Variants in CELF4 observed in about 807,000 individuals in gnomAD.
CELF4 encodes CUG-BP- and ETR-3-like factor 4.
Under a neutral mutation model 59.9 loss-of-function variants are expected in CELF4, and 18 were observed. That is an observed-to-expected ratio of 0.30 (90% confidence interval 0.21 to 0.45). CELF4 has a LOEUF of 0.45. CELF4 is among the 20% of genes least tolerant of loss of function. CELF4 has a pLI of 1.00. For synonymous variants in CELF4, 261 were observed against 267.1 expected (o/e 0.98, Z 0.22); for missense variants, 456 against 689.0 (o/e 0.66, Z 3.79).
chr18:37,377,016 G>A (rs2098978324), intron 2 of CELF4, among the ~76,000 whole-genome samples: 2 of 152,040 alleles, frequency 1.3e-5, no homozygotes, highest in African/African-American at 4.8e-5. Flanking sequence ...AGGGTAAGGG[G>A]AGGTGGAGGA....
chr18:37,323,270 A>T (rs1023009191), intron 2 of CELF4, among the ~76,000 whole-genome samples: 24 of 132,600 alleles, frequency 1.8e-4, no homozygotes, highest in African/African-American at 6.5e-4. Flanking sequence ...TGCCAGGGCC[A>T]GCCCACCGAG....
intron 2 of CELF4, among the ~76,000 whole-genome samples, chr18:37,426,505 G>C (rs2099613536): frequency 6.6e-6 from 1 of 152,220 alleles, no homozygotes; most frequent in Non-Finnish European, 1.5e-5. Flanking sequence ...AGCTGTGGGA[G>C]AGCCACTGGA....
intron 1 of CELF4, among the ~76,000 whole-genome samples, chr18:37,536,733 T>C (rs1185179933): frequency 2.0e-5 from 3 of 152,040 alleles, no homozygotes; most frequent in Non-Finnish European, 4.4e-5. Context: ...ACTTGCTCCC[T>C]CCCACACTCC....
chr18:37,305,017 A>C (rs113245586), intron 3 of CELF4, among the ~76,000 whole-genome samples: 7,912 of 152,246 alleles, frequency 0.052, 517 homozygotes, highest in African/African-American at 0.15. Context: ...GGGGATGTGG[A>C]CCAGAGCCTT....
intron 1 of CELF4, among the ~76,000 whole-genome samples, chr18:37,521,256 A>T (rs2099957061): frequency 2.0e-5 from 3 of 152,130 alleles, no homozygotes; most frequent in Admixed American, 2.0e-4. Flanking sequence ...AGATCGGCAG[A>T]TTCCCTTCTC....
At chr18:37,496,173 T>C (rs2099925038) in intron 1 of CELF4, among the ~76,000 whole-genome samples, 1 of 152,218 alleles carries the variant, frequency 6.6e-6, no homozygotes, top group South Asian at 2.1e-4. Flanking sequence ...TCTCAGCCCT[T>C]GCTGGGTCTC....
At chr18:37,370,940 T>C (rs2098856326) in intron 2 of CELF4, among the ~76,000 whole-genome samples, 1 of 152,220 alleles carries the variant, frequency 6.6e-6, no homozygotes, top group Non-Finnish European at 1.5e-5. Context: ...CACACGTGTC[T>C]TCAAGCAGTC....
chr18:37,490,774 T>A (rs1322888955), intron 1 of CELF4, among the ~76,000 whole-genome samples: 1 of 152,146 alleles, frequency 6.6e-6, no homozygotes, highest in Non-Finnish European at 1.5e-5. Context: ...GCTGTGCGAC[T>A]CTGACGGGAC....
chr18:37,561,660 T>G (rs1411397463), intron 1 of CELF4, among the ~76,000 whole-genome samples: 1 of 152,140 alleles, frequency 6.6e-6, no homozygotes, highest in Non-Finnish European at 1.5e-5. Context: ...AGACACTGCC[T>G]CTTTTTGTTC....
At chr18:37,320,141 T>C (rs1012359144) in intron 3 of CELF4, among the ~76,000 whole-genome samples, 7 of 152,012 alleles carry the variant, frequency 4.6e-5, no homozygotes, top group African/African-American at 1.7e-4. Flanking sequence ...ATTGAGACCA[T>C]CCTGGCTAAC....
At chr18:37,430,780 C>G (rs1055978819) in intron 2 of CELF4, among the ~76,000 whole-genome samples, 4 of 152,198 alleles carry the variant, frequency 2.6e-5, no homozygotes, top group African/African-American at 9.6e-5. Flanking sequence ...CTAGTTGTGT[C>G]TCCCAGGGCT....
At chr18:37,404,521 AG>A (rs1163288433) in intron 2 of CELF4, among the ~76,000 whole-genome samples, 1 of 152,240 alleles carries the variant, frequency 6.6e-6, no homozygotes, top group East Asian at 1.9e-4. Flanking sequence ...GCAAGTGCAC[AG>A]TTGGATGCCC....
chr18:37,563,051 A>G (rs893545731), intron 1 of CELF4, among the ~76,000 whole-genome samples: 3 of 151,490 alleles, frequency 2.0e-5, no homozygotes, highest in East Asian at 1.9e-4. Context: ...CAGATTTTAT[A>G]TATCGATATC....
chr18:37,262,913 C>T (rs2154316160), intron 10 of CELF4, among the ~76,000 whole-genome samples: 1 of 152,314 alleles, frequency 6.6e-6, no homozygotes, highest in African/African-American at 2.4e-5. Context: ...AGGGTATGGG[C>T]TGGGCCTTCC....
At chr18:37,369,933 T>A (rs1282586776) in intron 2 of CELF4, among the ~76,000 whole-genome samples, 2 of 152,234 alleles carry the variant, frequency 1.3e-5, no homozygotes, top group Non-Finnish European at 2.9e-5. Context: ...CTCTGGGGCC[T>A]TGGGCTGTGC....
chr18:37,382,968 C>A (rs1191768305), intron 2 of CELF4, among the ~76,000 whole-genome samples: 1 of 151,998 alleles, frequency 6.6e-6, no homozygotes, highest in African/African-American at 2.4e-5. Flanking sequence ...GCTGATTTGC[C>A]AGCTCTAACA....
Position 37,317,840 on chromosome 18 carries a change from G to A in CELF4, c.448+3963C>T, listed in dbSNP as rs533712236. ...GTGCACACAGACCTGCCAACTCTCC[G>A]CCATGCCCATCCCTAGACACCCCCA... is the stretch of plus-strand genomic sequence containing the variant. On this transcript the variant is annotated intron_variant, in intron 3 of 12. Coordinates refer to ENST00000420428, the MANE Select transcript of CELF4 (RefSeq NM_020180.4). Among the ~76,000 whole-genome samples the A allele has an allele frequency of 2.9e-3, 447 of 152,298 alleles. 2 individuals carry two copies. Among genetic ancestry groups the A allele is most frequent in the African/African-American group, 9.8e-3 (408 of 41,558 alleles).
chr18:37,564,783 T>C (rs2099987647), intron 1 of CELF4, among the ~76,000 whole-genome samples: 1 of 150,446 alleles, frequency 6.6e-6, no homozygotes, highest in South Asian at 2.2e-4. Flanking sequence ...CACAATCAGA[T>C]TATTGAGGCA....
chr18:37,371,389 C>T (rs1055649029), intron 2 of CELF4, among the ~76,000 whole-genome samples: 2 of 152,200 alleles, frequency 1.3e-5, no homozygotes, highest in African/African-American at 2.4e-5. Context: ...AATAACTGGC[C>T]AGAAGCCCAG....
Sources: gnomAD v4.1 joint callset for allele counts (sites outside exome capture counted in the v4.1 genomes callset) on GRCh38, gnomAD v4.1.1 for gene constraint, MANE v1.5 for transcripts, NCBI Gene and HGNC (gene_info 2026-07-23, HGNC 2026-07-21) for gene names.